MAP3K21: variants seen among roughly 807,000 people sequenced by gnomAD.
MAP3K21 encodes mitogen-activated protein kinase kinase kinase MLK4.
In MAP3K21, 63 loss-of-function variants were observed where a neutral mutation model predicts 86.1. The observed-to-expected ratio is 0.73, with a 90% CI of 0.60 to 0.90. MAP3K21 has a LOEUF of 0.90. Among genes scored for constraint, MAP3K21 ranks in the 40% least tolerant of loss-of-function variants. The probability of loss-of-function intolerance (pLI) is 0.00; values close to 1 mark genes in which losing one functional copy is unlikely to be tolerated. For missense variants in MAP3K21, 1,220 were observed against 1,367.7 expected (o/e 0.89, Z 1.70); for synonymous variants, 558 against 564.8 (o/e 0.99, Z 0.17).
intron 6 of MAP3K21, among the ~76,000 whole-genome samples, chr1:233,374,768 A>T (rs1372611449): frequency 2.0e-5 from 3 of 151,902 alleles, no homozygotes; most frequent in Admixed American, 1.3e-4. Flanking sequence ...TATTATATGT[A>T]ATATTAAATA....
At chr1:233,339,017 T>G (rs1194786941) in intron 1 of MAP3K21, among the ~76,000 whole-genome samples, 1 of 152,042 alleles carries the variant, frequency 6.6e-6, no homozygotes. Flanking sequence ...TAGTCTCCAG[T>G]CTTTAGAGGT....
intron 1 of MAP3K21, among the ~76,000 whole-genome samples, chr1:233,333,891 T>A (rs979165129): frequency 6.6e-6 from 1 of 152,124 alleles, no homozygotes; most frequent in Non-Finnish European, 1.5e-5. Flanking sequence ...TGAGACGGAG[T>A]CTCGCTCTGT....
intron 1 of MAP3K21, among the ~76,000 whole-genome samples, chr1:233,335,791 C>A (rs1282133046): frequency 1.3e-5 from 2 of 152,084 alleles, no homozygotes; most frequent in African/African-American, 4.8e-5. Context: ...ATGAATATAA[C>A]AATAGACCCC....
intron 4 of MAP3K21, among the ~76,000 whole-genome samples, chr1:233,360,068 T>C (rs1388720364): frequency 1.3e-5 from 2 of 152,244 alleles, no homozygotes; most frequent in African/African-American, 4.8e-5. Flanking sequence ...ACACACAACC[T>C]ACTTGGATTT....
At chr1:233,357,709 C>T (rs532260604) in intron 4 of MAP3K21, among the ~76,000 whole-genome samples, 2 of 152,292 alleles carry the variant, frequency 1.3e-5, no homozygotes, top group Admixed American at 1.3e-4. Context: ...ACAGGAAGAA[C>T]ACACAGCACA....
intron 6 of MAP3K21, 195 bp from the exon 7 acceptor site, chr1:233,375,721 C>G (rs1007379248): frequency 9.5e-6 from 5 of 528,136 alleles, no homozygotes; most frequent in African/African-American, 8.0e-5. Flanking sequence ...TTAACTTACT[C>G]CATTTTTCTT....
chr1:233,369,840 G>T (rs1437716480), intron 5 of MAP3K21, among the ~76,000 whole-genome samples: 1 of 151,788 alleles, frequency 6.6e-6, no homozygotes, highest in East Asian at 1.9e-4. Flanking sequence ...CAGAAGAAGT[G>T]AGCTGACCCC....
intron 1 of MAP3K21, among the ~76,000 whole-genome samples, chr1:233,341,832 T>C (rs1663044364): frequency 6.6e-6 from 1 of 152,184 alleles, no homozygotes; most frequent in Admixed American, 6.5e-5. Context: ...GAGGAGATAA[T>C]GTGTATAAAA....
rs60014476 is a variant in MAP3K21 at position 233,365,901 on chromosome 1, G to A, written c.1552+3608G>A. On this transcript the variant is annotated intron_variant, in intron 5 of 9. Coordinates refer to ENST00000366624, the MANE Select transcript of MAP3K21 (RefSeq NM_032435.3). ...GGGATGTCTGCAATCCCATGTTTAT[G>A]GCAACACTATTCACAATGACAAAGA... Among the ~76,000 whole-genome samples, 887 of 152,274 alleles carry A rather than the reference G, an allele frequency of 5.8e-3. 11 individuals carry two copies. Among genetic ancestry groups the A allele is most frequent in the African/African-American group, 0.021 (858 of 41,538 alleles).
Position 233,328,108 on chromosome 1 carries a change from C to T in MAP3K21, c.80C>T (p.Ser27Leu), listed in dbSNP as rs898312661. Reference sequence around the variant, plus strand: ...GGAGCCCCCGGCGGCTCAGCGTCCTCGTCGTCCACCTCCTCGGGCGGCTCG... The same window carrying T: ...GGAGCCCCCGGCGGCTCAGCGTCCTTGTCGTCCACCTCCTCGGGCGGCTCG... The part of the protein sequence containing the change: ...AGGAPGGSAS[S>L]SSTSSGGSAS... Residue 27 changes from serine to leucine, a missense_variant, in exon 1 of 10, where the codon TCG becomes TTG. Around this residue, in one of 5 missense-constraint regions of MAP3K21, gnomAD observed 369 missense variants for 385.3 expected, o/e 0.96. Transcript: ENST00000366624. The surrounding 1 kb of genome is among the most constrained non-coding windows in gnomAD (Gnocchi z 8.7). 11 of 1,386,444 alleles carry T rather than the reference C, an allele frequency of 7.9e-6. No homozygotes were observed. The highest frequency in any genetic ancestry group is 1.0e-5 in the Non-Finnish European group (11 of 1,076,518). 85.9% of individuals were successfully genotyped at this position (1,386,444 alleles called of 1,614,324 possible).
At chr1:233,350,527 G>A (rs997729599) in intron 2 of MAP3K21, among the ~76,000 whole-genome samples, 7 of 152,086 alleles carry the variant, frequency 4.6e-5, no homozygotes, top group African/African-American at 1.2e-4. Context: ...CATTCAAAAA[G>A]CATGGCTTTA....
rs1663320755 is a variant in MAP3K21, at chr1:233,354,908, G to A, written c.1208G>A (p.Gly403Glu). The A allele has an allele frequency of 1.9e-6, 3 of 1,613,368 alleles. No individual in the cohort carries two copies. The highest frequency in any genetic ancestry group is 2.7e-5 in the African/African-American group (2 of 74,904). The change falls in exon 4 of 10, where the codon GGG becomes GAG. Residue 403 changes from glycine to glutamate, a missense_variant. Around this residue, in one of 5 missense-constraint regions of MAP3K21, gnomAD observed 126 missense variants for 127.7 expected, o/e 0.99. Coordinates refer to ENST00000366624, the MANE Select transcript of MAP3K21 (RefSeq NM_032435.3). Reference protein sequence around the residue: ...LILEQLTAIEGAVMTEMPQES... With the variant: ...LILEQLTAIEEAVMTEMPQES... ...CTCGAACAGTTGACTGCTATTGAAGGGGCAGTGATGACTGAGATGCCTCAA... is the reference window on the plus strand; with the variant it reads ...CTCGAACAGTTGACTGCTATTGAAGAGGCAGTGATGACTGAGATGCCTCAA...
At chr1:233,341,742 A>C (rs957320080) in intron 1 of MAP3K21, among the ~76,000 whole-genome samples, 2 of 152,108 alleles carry the variant, frequency 1.3e-5, no homozygotes, top group African/African-American at 2.4e-5. Context: ...CTGGGTGTGG[A>C]TAAGGAGGCA....
At chr1:233,334,164 C>CT (rs60541029) in intron 1 of MAP3K21, among the ~76,000 whole-genome samples, 1,416 of 136,824 alleles carry the variant, frequency 0.01, 25 homozygotes, top group African/African-American at 0.032. Context: ...CGTGCCTGGA[C>CT]TTTTTTTTTT....
intron 1 of MAP3K21, among the ~76,000 whole-genome samples, chr1:233,335,728 A>G (rs1662899290): frequency 6.6e-6 from 1 of 152,228 alleles, no homozygotes; most frequent in African/African-American, 2.4e-5. Flanking sequence ...ATAGCAATTA[A>G]TATTTATCAT....
Position 233,327,978 on chromosome 1 carries a change from C to A in MAP3K21, c.-51C>A. The stretch of plus-strand genomic sequence containing the variant: ...CGGACGATGCGCGCCCGCGGCCGCC[C>A]GGGAGGCTGAGCCCAGCTTCCCGCT... On this transcript the variant is annotated 5_prime_UTR_variant, in exon 1 of 10. Coordinates refer to ENST00000366624, the MANE Select transcript of MAP3K21 (RefSeq NM_032435.3). The A allele has an allele frequency of 8.1e-7, 1 of 1,234,696 alleles. No individual in the cohort carries two copies. The highest frequency in any genetic ancestry group is 1.0e-6 in the Non-Finnish European group (1 of 989,988). 76.5% of individuals were successfully genotyped at this position (1,234,696 alleles called of 1,614,324 possible). A position where few individuals can be genotyped will look rare whatever the true frequency, so the allele number is the denominator to read the frequency against.
At chr1:233,333,309 G>T (rs1662846850) in intron 1 of MAP3K21, among the ~76,000 whole-genome samples, 1 of 152,188 alleles carries the variant, frequency 6.6e-6, no homozygotes, top group African/African-American at 2.4e-5. Flanking sequence ...GCACAGAGAA[G>T]TCAGTCCAGA....
rs866760913 is a variant in MAP3K21 at position 233,361,241 on chromosome 1, T to C, written c.1312-812T>C. On this transcript the variant is annotated intron_variant, in intron 4 of 9. Transcript: ENST00000366624. ...TAAAAGTATTTTTAATTCTTAGATT[T>C]TCTCTTTCTTAGAAGTTCAGTACTT... Among the ~76,000 whole-genome samples, 11 of 152,358 alleles carry C rather than the reference T, an allele frequency of 7.2e-5. No individual in the cohort carries two copies. In the Middle Eastern group the frequency reaches 0.01, roughly 141 times the overall value.
At chr1:233,361,845 AG>A (rs1449464037) in intron 4 of MAP3K21, among the ~76,000 whole-genome samples, 1 of 152,172 alleles carries the variant, frequency 6.6e-6, no homozygotes, top group Admixed American at 6.5e-5. Context: ...TCCGCTGAAA[AG>A]GTTTCGGCTT....
Sources: gnomAD v4.1 joint callset for allele counts (sites outside exome capture counted in the v4.1 genomes callset) on GRCh38, gnomAD v4.1.1 for gene constraint, gnomAD v4.1.1 regional missense constraint, Gnocchi (gnomAD v3.1) non-coding constraint, MANE v1.5 for transcripts, NCBI Gene and HGNC (gene_info 2026-07-23, HGNC 2026-07-21) for gene names.